Variants in WDR75 observed in about 807,000 individuals in gnomAD.
WDR75 encodes WD repeat domain 75.
WDR75 carries 52 observed loss-of-function variants against 106.1 expected under a neutral mutation model. The ratio of observed to expected loss-of-function variants is 0.49; its 90% CI spans 0.39 to 0.62. The LOEUF is 0.62. Ranked by LOEUF, WDR75 falls within the 20% of genes least tolerant of loss-of-function variation. The pLI is 0.00. For synonymous variants in WDR75, 333 were observed against 335.5 expected (o/e 0.99, Z 0.08); for missense variants, 905 against 970.3 (o/e 0.93, Z 0.89).
chr2:189,474,886 A>C (rs2105577562), intron 20 of WDR75, 78 bp downstream of exon 20: 1 of 1,132,460 alleles, frequency 8.8e-7, no homozygotes, highest in South Asian at 1.3e-5. Flanking sequence ...TTTTTAGAGT[A>C]TTCTTCCACT....
At chr2:189,446,730 C>G (rs1025323276) in intron 1 of WDR75, among the ~76,000 whole-genome samples, 1 of 152,164 alleles carries the variant, frequency 6.6e-6, no homozygotes, top group African/African-American at 2.4e-5. Context: ...TAATACCAGA[C>G]ACTCTATATA....
At chr2:189,464,108 T>C (rs1243305915) in intron 11 of WDR75, 147 bp downstream of exon 11, 16 of 710,350 alleles carry the variant, frequency 2.3e-5, no homozygotes, top group Non-Finnish European at 3.0e-5. Flanking sequence ...TTAGTTCAGT[T>C]GTTCAGAGCA....
At chr2:189,450,156 T>C in intron 2 of WDR75, 1 of 969,230 alleles carries the variant, frequency 1.0e-6, no homozygotes, top group Non-Finnish European at 1.2e-6. Flanking sequence ...AAGCATATTA[T>C]AATTTCTATT....
chr2:189,467,425 G>A (rs373845616), intron 13 of WDR75, 43 bp from the exon 14 acceptor site: 1 of 1,536,442 alleles, frequency 6.5e-7, no homozygotes, highest in Non-Finnish European at 8.8e-7. Context: ...GCATTCTCTA[G>A]CATTTACACA....
chr2:189,448,809 A>G (rs747896101), intron 2 of WDR75: 25 of 506,044 alleles, frequency 4.9e-5, no homozygotes, highest in South Asian at 3.9e-4. Flanking sequence ...AGGTTCCCTT[A>G]CATGCATTGC....
chr2:189,450,098 G>A (rs78711780), intron 2 of WDR75: 3 of 945,410 alleles, frequency 3.2e-6, no homozygotes, highest in Non-Finnish European at 3.8e-6. Flanking sequence ...CTGTATAAGA[G>A]TACAGAATGT....
rs753267804 is a variant in WDR75 at position 189,463,690 on chromosome 2, A to G, written c.938-4A>G. On this transcript the variant is annotated splice_polypyrimidine_tract_variant and splice_region_variant and intron_variant, in intron 9 of 20. Transcript: ENST00000314761. ...TTTAAATACCTATTTTTTTCTACCCACAGAGATAATAATTATTCACCGAAA... is the reference window on the plus strand; with the variant it reads ...TTTAAATACCTATTTTTTTCTACCCGCAGAGATAATAATTATTCACCGAAA... 3.1e-6 allele frequency: 5 copies of G among 1,613,496 alleles called. No individual in the cohort carries two copies. The highest frequency in any genetic ancestry group is 2.7e-5 in the African/African-American group (2 of 74,894).
intron 8 of WDR75, among the ~76,000 whole-genome samples, chr2:189,459,902 G>C (rs1686825497): frequency 6.6e-6 from 1 of 152,130 alleles, no homozygotes; most frequent in African/African-American, 2.4e-5. Context: ...TTTGGACCTG[G>C]TTCTGATTTT....
intron 4 of WDR75, 159 bp downstream of exon 4, chr2:189,452,054 G>T (rs540674498): frequency 6.6e-5 from 38 of 575,336 alleles, no homozygotes; most frequent in Middle Eastern, 4.7e-4. Flanking sequence ...GAGATGGTTT[G>T]TATGAATTCT....
chr2:189,470,315 G>T, intron 17 of WDR75, 70 bp downstream of exon 17: 5 of 1,490,750 alleles, frequency 3.4e-6, no homozygotes, highest in Non-Finnish European at 3.6e-6. Context: ...CATGACTATT[G>T]GTGTGAGTTT....
At chr2:189,462,104 T>C (rs1023003308) in intron 8 of WDR75, among the ~76,000 whole-genome samples, 5 of 152,094 alleles carry the variant, frequency 3.3e-5, no homozygotes, top group African/African-American at 4.8e-5. Context: ...TGGTATAGTA[T>C]TTTGCTTAAG....
intron 12 of WDR75, among the ~76,000 whole-genome samples, 169 bp downstream of exon 12, chr2:189,465,423 T>C (rs746856632): frequency 8.5e-5 from 13 of 152,104 alleles, no homozygotes; most frequent in Admixed American, 2.0e-4. Context: ...TGAGAAGACA[T>C]TGATGTCCTC....
intron 5 of WDR75, 48 bp from the exon 6 acceptor site, chr2:189,457,263 G>A (rs765748231): frequency 2.5e-6 from 3 of 1,223,762 alleles, no homozygotes; most frequent in Admixed American, 2.1e-5. Flanking sequence ...AAAAAAAAAA[G>A]AGTGTTGACT....
chr2:189,463,291 C>T (rs1319227546), intron 9 of WDR75, among the ~76,000 whole-genome samples: 1 of 152,118 alleles, frequency 6.6e-6, no homozygotes, highest in African/African-American at 2.4e-5. Flanking sequence ...AAGACTCCAA[C>T]AGAAAAGCCC....
chr2:189,456,862 A>G (rs997236703), intron 5 of WDR75, among the ~76,000 whole-genome samples: 1 of 152,208 alleles, frequency 6.6e-6, no homozygotes, highest in East Asian at 1.9e-4. Flanking sequence ...TATTCTTTCT[A>G]TAGCCAAAGT....
At position 189,463,703 on chromosome 2, in the gene WDR75, T is replaced by C; in HGVS notation, c.947T>C (p.Ile316Thr). ...TTTTTTCTACCCACAGAGATAATAA[T>C]TATTCACCGAAACCTTGAAGCATCC... ...CTSHSDNKII[I>T]IHRNLEASAV... Residue 316 changes from isoleucine (I) to threonine (T), a missense_variant, in exon 10 of 21, where the codon ATT becomes ACT. By Grantham distance (89) the Ile-to-Thr change is moderately conservative. Coordinates refer to ENST00000314761, the MANE Select transcript of WDR75 (RefSeq NM_032168.3). 6.2e-7 allele frequency: 1 copy of C among 1,613,840 alleles called. No homozygotes were observed. Among genetic ancestry groups the C allele is most frequent in the Non-Finnish European group, 8.5e-7 (1 of 1,179,772 alleles).
In WDR75 at chr2:189,451,901, G is replaced by A. The variant is rs1193453177; in HGVS notation, c.373+6G>A. The A allele has an allele frequency of 1.9e-6, 3 of 1,605,282 alleles. No individual in the cohort carries two copies. Among genetic ancestry groups the A allele is most frequent in the Non-Finnish European group, 2.6e-6 (3 of 1,173,160 alleles). ...AGTGAATAAAGAAAAACCAGGTATG[G>A]TATAATTAACTTACTATATATGGCA... On this transcript the variant is annotated splice_donor_region_variant and intron_variant, in intron 4 of 20. Transcript: ENST00000314761.
At chr2:189,446,470 A>T (rs1471177665) in intron 1 of WDR75, among the ~76,000 whole-genome samples, 4 of 152,216 alleles carry the variant, frequency 2.6e-5, no homozygotes, top group Admixed American at 6.5e-5. Flanking sequence ...TGTTGCTCAT[A>T]CATTCTTGAT....
At chr2:189,460,987 A>G (rs1209112874) in intron 8 of WDR75, among the ~76,000 whole-genome samples, 1 of 152,194 alleles carries the variant, frequency 6.6e-6, no homozygotes, top group East Asian at 1.9e-4. Context: ...GTTTTTGAGA[A>G]CTTCATAACT....
Sources: allele counts gnomAD v4.1 joint callset (sites outside exome capture counted in the v4.1 genomes callset), GRCh38; gene constraint gnomAD v4.1.1; transcripts MANE v1.5; gene names NCBI Gene and HGNC (gene_info 2026-07-23, HGNC 2026-07-21).